Variants in EDC4 observed in about 807,000 individuals in gnomAD.
EDC4 encodes enhancer of mRNA decapping 4, also known as enhancer of mRNA-decapping protein 4.
Under a neutral mutation model 155.8 loss-of-function variants are expected in EDC4, and 64 were observed. That is an observed-to-expected ratio of 0.41 (90% CI 0.34 to 0.51). The LOEUF (loss-of-function observed/expected upper bound fraction) is 0.51, where lower values mean the gene tolerates loss of function less well. Among genes scored for constraint, EDC4 ranks in the 20% least tolerant of loss-of-function variants. The probability of loss-of-function intolerance (pLI) is 0.19; values close to 1 mark genes in which losing one functional copy is unlikely to be tolerated. For synonymous variants in EDC4, 684 were observed against 716.8 expected (o/e 0.95, Z 0.73); for missense variants, 1,303 against 1,812.5 (o/e 0.72, Z 5.10).
rs1269008876 is a variant in EDC4, at chr16:67,882,313, C to T, written c.3262C>T (p.Leu1088=). The T allele has an allele frequency of 2.5e-6, 4 of 1,613,470 alleles. No individual in the cohort carries two copies. The highest frequency in any genetic ancestry group is 3.4e-6 in the Non-Finnish European group (4 of 1,179,674). ...CAGCATGAAAGAGAACATCTCCAAG[C>T]TGCTCAAGTCCAAGGTGCTATAGGG... ...EGSMKENISK[L]LKSKNLTDAI... The change falls in exon 24 of 29, where the codon CTG becomes TTG. Residue 1088 remains leucine (L), a synonymous_variant. Coordinates refer to ENST00000358933, the MANE Select transcript of EDC4 (RefSeq NM_014329.5). The surrounding 1 kb of genome is among the most constrained non-coding windows in gnomAD (Gnocchi z 7.2).
chr16:67,875,821 T>C (rs1472635343), intron 1 of EDC4, 124 bp from the exon 2 acceptor site: 11 of 1,496,084 alleles, frequency 7.4e-6, no homozygotes, highest in East Asian at 2.3e-5. Context: ...CTCCTCCTCA[T>C]GGACATGCTT....
Position 67,873,253 on chromosome 16 carries a change from G to T in EDC4, c.-9G>T, listed in dbSNP as rs2058027285. Reference sequence around the variant, plus strand: ...ACGCGGTGCGGGCGGGGCGCCCGCCGCAGGGCCCATGGCCTCCTGCGCGAG... The same window carrying T: ...ACGCGGTGCGGGCGGGGCGCCCGCCTCAGGGCCCATGGCCTCCTGCGCGAG... On this transcript the variant is annotated 5_prime_UTR_variant, in exon 1 of 29. Coordinates refer to ENST00000358933, the MANE Select transcript of EDC4 (RefSeq NM_014329.5). The T allele has an allele frequency of 7.1e-7, 1 of 1,409,038 alleles. No homozygotes were observed. The highest frequency in any genetic ancestry group is 9.2e-7 in the Non-Finnish European group (1 of 1,086,500). The allele number at this position is 1,409,038 out of a possible 1,614,324, so 87.3% of individuals were successfully genotyped here. A position where few individuals can be genotyped will look rare whatever the true frequency, so the allele number is the denominator to read the frequency against.
At position 67,879,494 on chromosome 16, in the gene EDC4, G is replaced by A. The variant is rs767952965; in HGVS notation, c.1624G>A (p.Glu542Lys). 1.9e-6 allele frequency: 3 copies of A among 1,614,160 alleles called. No individual in the cohort carries two copies. Among genetic ancestry groups the A allele is most frequent in the Non-Finnish European group, 1.7e-6 (2 of 1,180,022 alleles). The change falls in exon 14 of 29, where the codon GAG becomes AAG. Residue 542 changes from glutamate (E) to lysine (K), a missense_variant. Coordinates refer to ENST00000358933, the MANE Select transcript of EDC4 (RefSeq NM_014329.5). The surrounding 1 kb of genome is among the most constrained non-coding windows in gnomAD (Gnocchi z 6.0). Reference sequence around the variant, plus strand: ...CCCACTGCCCACCCACACTGCCCACGAGGACTTCAGTGAGTAGGGCGTGAG... The same window carrying A: ...CCCACTGCCCACCCACACTGCCCACAAGGACTTCAGTGAGTAGGGCGTGAG... ...VAPLPTHTAH[E>K]DFTFGESRPE...
chr16:67,880,164 C>A lies in EDC4; in HGVS notation c.2045C>A (p.Pro682His). The A allele has an allele frequency of 6.2e-7, 1 of 1,612,538 alleles. No individual in the cohort carries two copies. The highest frequency in any genetic ancestry group is 8.5e-7 in the Non-Finnish European group (1 of 1,179,626). Residue 682 changes from proline to histidine, a missense_variant, in exon 17 of 29, where the codon CCT (proline) becomes CAT (histidine). Pro to His is a moderately conservative substitution (Grantham distance 77). Around this residue, in one of 5 missense-constraint regions of EDC4, gnomAD observed 391 missense variants for 445.4 expected, o/e 0.88. Transcript: ENST00000358933. This position sits in a 1 kb window ranked among gnomAD's most constrained non-coding sequence, Gnocchi z 5.2. Reference sequence around the variant, plus strand: ...CAGGCAAGCCCGCGTGGCCTCCTGCCTGGCCTGCTCCCAGCCCCAGCTGAC... The same window carrying A: ...CAGGCAAGCCCGCGTGGCCTCCTGCATGGCCTGCTCCCAGCCCCAGCTGAC... Reference protein sequence around the residue: ...SLQASPRGLLPGLLPAPADKL... With the variant: ...SLQASPRGLLHGLLPAPADKL...
chr16:67,883,600 G>A lies in EDC4; in HGVS notation c.3882G>A (p.Leu1294=). 6.2e-7 allele frequency: 1 copy of A among 1,614,114 alleles called. No individual in the cohort carries two copies. Among genetic ancestry groups the A allele is most frequent in the Non-Finnish European group, 8.5e-7 (1 of 1,180,032 alleles). The change falls in exon 28 of 29, where the codon CTG becomes CTA. Residue 1294 remains leucine (L), a synonymous_variant. Coordinates refer to ENST00000358933, the MANE Select transcript of EDC4 (RefSeq NM_014329.5). This position sits in a 1 kb window ranked among gnomAD's most constrained non-coding sequence, Gnocchi z 5.3. ...ALTAADLNLV[L]YVCETVDPAQ... ...CAGCTGCTGACCTGAACCTGGTGCTGTATGTGTGTGAAACTGTGGACCCAG... is the reference window on the plus strand; with the variant it reads ...CAGCTGCTGACCTGAACCTGGTGCTATATGTGTGTGAAACTGTGGACCCAG...
At position 67,879,125 on chromosome 16, in the gene EDC4, A is replaced by G. The variant is rs1194468382; in HGVS notation, c.1456A>G (p.Ser486Gly). Residue 486 changes from serine to glycine, a missense_variant, in exon 12 of 29, where the codon AGC becomes GGC. This residue lies in a region of EDC4 where 391 missense variants were observed against 445.4 expected (regional missense o/e 0.88). Coordinates refer to ENST00000358933, the MANE Select transcript of EDC4 (RefSeq NM_014329.5). This position sits in a 1 kb window ranked among gnomAD's most constrained non-coding sequence, Gnocchi z 6.0. ...EVLPAEEENDSLGADGTHGAG... is the reference protein window; with the variant it reads ...EVLPAEEENDGLGADGTHGAG... The stretch of plus-strand genomic sequence containing the variant: ...GCTGCCTGCCGAAGAGGAAAATGAC[A>G]GCCTGGGTGCTGGTGAGCTGCCTCA... 1 of 1,613,866 alleles carries G rather than the reference A, an allele frequency of 6.2e-7. No individual in the cohort carries two copies. The highest frequency in any genetic ancestry group is 8.5e-7 in the Non-Finnish European group (1 of 1,179,786).
Position 67,881,924 on chromosome 16 carries a change from C to G in EDC4, c.3005-30C>G, listed in dbSNP as rs1353266114. On this transcript the variant is annotated intron_variant, in intron 22 of 28. Coordinates refer to ENST00000358933, the MANE Select transcript of EDC4 (RefSeq NM_014329.5). This position sits in a 1 kb window ranked among gnomAD's most constrained non-coding sequence, Gnocchi z 5.4. ...GGCCTGGGAAGGAGTACACGACCTG[C>G]TCCAGGCCCGTTCCTTAGCTATGGC... 1 of 1,603,600 alleles carries G rather than the reference C, an allele frequency of 6.2e-7. No homozygotes were observed. The highest frequency in any genetic ancestry group is 1.3e-5 in the African/African-American group (1 of 74,630).
At chr16:67,873,366 G>T in intron 1 of EDC4, 23 bp downstream of exon 1, 2 of 1,422,636 alleles carry the variant, frequency 1.4e-6, no homozygotes, top group East Asian at 3.0e-5. Context: ...TGCGGGGGTG[G>T]GCCCCAGGCG....
chr16:67,883,454 T>G lies in EDC4; in HGVS notation c.3850-114T>G, dbSNP rs1390872577. The G allele has an allele frequency of 2.0e-6, 3 of 1,492,602 alleles. No individual in the cohort carries two copies. The African/African-American group carries it at 4.1e-5, about 20-fold the overall frequency. The allele number at this position is 1,492,602 out of a possible 1,614,324, so 92.5% of individuals were successfully genotyped here. On this transcript the variant is annotated intron_variant, in intron 27 of 28. Transcript: ENST00000358933. This position sits in a 1 kb window ranked among gnomAD's most constrained non-coding sequence, Gnocchi z 5.3. ...CCTACAGGCTCTCTCTGAGTCCCTC[T>G]GGAGCTCTCACTAGCCCACCCTGTG...
chr16:67,880,775 C>A lies in EDC4; in HGVS notation c.2316C>A (p.Ala772=). ...EGLEPDSMAS[A]ASALHLLSPR... ...TTGAGCCAGACAGTATGGCTTCAGC[C>A]GCCTCGGCACTGCACCTGCTGTCCC... The change falls in exon 18 of 29, where the codon GCC becomes GCA. Residue 772 remains alanine (A), a synonymous_variant. Transcript: ENST00000358933. The surrounding 1 kb of genome is among the most constrained non-coding windows in gnomAD (Gnocchi z 5.2). 1 of 1,614,098 alleles carries A rather than the reference C, an allele frequency of 6.2e-7. No individual in the cohort carries two copies. Among genetic ancestry groups the A allele is most frequent in the Non-Finnish European group, 8.5e-7 (1 of 1,180,024 alleles).
rs2058068475 is a variant in EDC4 at position 67,881,609 on chromosome 16, G to T, written c.2827-59G>T. The T allele has an allele frequency of 6.2e-7, 1 of 1,611,716 alleles. No homozygotes were observed. The highest frequency in any genetic ancestry group is 2.2e-5 in the East Asian group (1 of 44,824). ...GGAGAAGGGCTCTGGGCCATTCCCT[G>T]GTCTGGTGTGTGGGAATAGGTGGGG... On this transcript the variant is annotated intron_variant, in intron 21 of 28. Coordinates refer to ENST00000358933, the MANE Select transcript of EDC4 (RefSeq NM_014329.5). This position sits in a 1 kb window ranked among gnomAD's most constrained non-coding sequence, Gnocchi z 5.4.
At chr16:67,874,741 A>G (rs545325149) in intron 1 of EDC4, among the ~76,000 whole-genome samples, 1 of 152,254 alleles carries the variant, frequency 6.6e-6, no homozygotes, top group African/African-American at 2.4e-5. Context: ...CTTGTTTGCC[A>G]AGCAGCTCTT....
Position 67,881,639 on chromosome 16 carries a change from C to T in EDC4, c.2827-29C>T. On this transcript the variant is annotated intron_variant, in intron 21 of 28. Transcript: ENST00000358933. The surrounding 1 kb of genome is among the most constrained non-coding windows in gnomAD (Gnocchi z 5.4). ...GGTGTGTGGGAATAGGTGGGGCAGGCATCGTGTGACTGTCAGTGCTACTGA... is the reference window on the plus strand; with the variant it reads ...GGTGTGTGGGAATAGGTGGGGCAGGTATCGTGTGACTGTCAGTGCTACTGA... The T allele has an allele frequency of 6.2e-7, 1 of 1,610,452 alleles. No individual in the cohort carries two copies. Among genetic ancestry groups the T allele is most frequent in the Non-Finnish European group, 8.5e-7 (1 of 1,177,196 alleles).
chr16:67,874,073 G>T lies in EDC4; in HGVS notation c.82+730G>T, dbSNP rs541200610. 9.8e-5 allele frequency among the ~76,000 whole-genome samples: 15 copies of T among 152,306 alleles called. No individual in the cohort carries two copies. The South Asian group carries it at 3.1e-3, about 32-fold the overall frequency. On this transcript the variant is annotated intron_variant, in intron 1 of 28. Transcript: ENST00000358933. ...GGAGTGTCTCGATACTGTGATGGGCGTGGGAAGGGTGGAGGCTGGTGAGTG... is the reference window on the plus strand; with the variant it reads ...GGAGTGTCTCGATACTGTGATGGGCTTGGGAAGGGTGGAGGCTGGTGAGTG...
chr16:67,884,092 G>A lies in EDC4; in HGVS notation c.4150G>A (p.Ala1384Thr), dbSNP rs2151306762. The change falls in exon 29 of 29, where the codon GCA (alanine) becomes ACA (threonine). Residue 1384 changes from alanine to threonine, a missense_variant. By Grantham distance (58) the Ala-to-Thr change is moderately conservative. Coordinates refer to ENST00000358933, the MANE Select transcript of EDC4 (RefSeq NM_014329.5). The surrounding 1 kb of genome is among the most constrained non-coding windows in gnomAD (Gnocchi z 4.1). Reference sequence around the variant, plus strand: ...TGAGCCACACAACTCACTTGGCAAAGCAGCTCGGCGTCTCAGCCTCATGCT... The same window carrying A: ...TGAGCCACACAACTCACTTGGCAAAACAGCTCGGCGTCTCAGCCTCATGCT... ...QAEPHNSLGKAARRLSLMLHG... is the reference protein window; with the variant it reads ...QAEPHNSLGKTARRLSLMLHG... 1.2e-6 allele frequency: 2 copies of A among 1,614,060 alleles called. No homozygotes were observed. The highest frequency in any genetic ancestry group is 1.3e-5 in the African/African-American group (1 of 75,066).
Position 67,883,019 on chromosome 16 carries a change from C to T in EDC4, c.3691C>T (p.Leu1231Phe). 6.2e-7 allele frequency: 1 copy of T among 1,614,086 alleles called. No homozygotes were observed. The highest frequency in any genetic ancestry group is 8.5e-7 in the Non-Finnish European group (1 of 1,180,028). ...RIVKGEVSVA[L>F]KEQQAAVTSS... is the part of the protein sequence containing the mutation. Reference sequence around the variant, plus strand: ...CGTTAAGGGTGAGGTGAGTGTGGCGCTCAAGGAGCAGCAGGCCGCCGTCAC... The same window carrying T: ...CGTTAAGGGTGAGGTGAGTGTGGCGTTCAAGGAGCAGCAGGCCGCCGTCAC... Residue 1231 changes from leucine to phenylalanine, a missense_variant, in exon 27 of 29, where the codon CTC (leucine) becomes TTC (phenylalanine). By Grantham distance (22) the Leu-to-Phe change is conservative. Transcript: ENST00000358933. This position sits in a 1 kb window ranked among gnomAD's most constrained non-coding sequence, Gnocchi z 5.3.
chr16:67,877,505 T>C lies in EDC4; in HGVS notation c.642-4T>C. The C allele has an allele frequency of 6.2e-7, 1 of 1,614,150 alleles. No individual in the cohort carries two copies. Among genetic ancestry groups the C allele is most frequent in the Non-Finnish European group, 8.5e-7 (1 of 1,180,024 alleles). On this transcript the variant is annotated splice_polypyrimidine_tract_variant and splice_region_variant and intron_variant, in intron 5 of 28. Coordinates refer to ENST00000358933, the MANE Select transcript of EDC4 (RefSeq NM_014329.5). This position sits in a 1 kb window ranked among gnomAD's most constrained non-coding sequence, Gnocchi z 4.9. ...ATCTATCTAGCCCTTAACACCCTGC[T>C]CAGAGAAGAGATCTTGGTCCATATT...
At chr16:67,875,725 ACCC>A (rs1296455650) in intron 1 of EDC4, 1 of 1,363,514 alleles carries the variant, frequency 7.3e-7, no homozygotes, top group East Asian at 2.8e-5. Flanking sequence ...GATGGCTTGT[ACCC>A]CTCCCCCAGG....
rs2058057125 is a variant in EDC4 at position 67,879,792 on chromosome 16, G to A, written c.1821+18G>A. The A allele has an allele frequency of 6.2e-7, 1 of 1,613,506 alleles. No individual in the cohort carries two copies. Among genetic ancestry groups the A allele is most frequent in the Non-Finnish European group, 8.5e-7 (1 of 1,179,546 alleles). ...TGCAGCAGGTACTCTCCCAGGGTAG[G>A]GGGACCTGGGAATGCCTCAGCCACA... On this transcript the variant is annotated intron_variant, in intron 15 of 28. Transcript: ENST00000358933. This position sits in a 1 kb window ranked among gnomAD's most constrained non-coding sequence, Gnocchi z 6.0.
Sources: allele counts gnomAD v4.1 joint callset (sites outside exome capture counted in the v4.1 genomes callset), GRCh38; gene constraint gnomAD v4.1.1; regional missense constraint gnomAD v4.1.1; non-coding constraint Gnocchi (gnomAD v3.1); transcripts MANE v1.5; gene names NCBI Gene and HGNC (gene_info 2026-07-23, HGNC 2026-07-21).